The following KATNIP variants were observed in gnomAD, a reference collection of about 807,000 sequenced individuals.
KATNIP encodes the protein katanin interacting protein, also known as katanin-interacting protein.
In KATNIP, 126 loss-of-function variants were observed where a neutral mutation model predicts 174.0. The ratio of observed to expected loss-of-function variants is 0.72; its 90% CI spans 0.63 to 0.84. KATNIP has a LOEUF of 0.84. Ranked by LOEUF, KATNIP falls within the 40% of genes least tolerant of loss-of-function variation. KATNIP has a pLI of 0.00. For missense variants in KATNIP, 1,958 were observed against 2,109.7 expected, an observed-to-expected ratio of 0.93 and a Z score of 1.41; for synonymous variants, 810 against 835.7, an observed-to-expected ratio of 0.97 and a Z score of 0.53.
chr16:27,693,444 C>T (rs954269777), intron 8 of KATNIP, among the ~76,000 whole-genome samples: 1 of 151,970 alleles, frequency 6.6e-6, no homozygotes, highest in Non-Finnish European at 1.5e-5. Context: ...GCTGGAGTGC[C>T]GTGGCATGAT....
At chr16:27,629,073 C>T (rs2076413812) in intron 4 of KATNIP, among the ~76,000 whole-genome samples, 1 of 150,718 alleles carries the variant, frequency 6.6e-6, no homozygotes, top group South Asian at 2.1e-4. Context: ...GAGGCCGAGG[C>T]ACAAGAATCA....
At chr16:27,616,151 C>T (rs1719622025) in intron 2 of KATNIP, among the ~76,000 whole-genome samples, 1 of 152,044 alleles carries the variant, frequency 6.6e-6, no homozygotes, top group African/African-American at 2.4e-5. Flanking sequence ...GTGGGAGGAC[C>T]ACCTGAGTTC....
chr16:27,591,435 G>A (rs7191793), intron 2 of KATNIP, among the ~76,000 whole-genome samples: 11,074 of 151,970 alleles, frequency 0.073, 433 homozygotes, highest in Non-Finnish European at 0.087. Context: ...CACCCGCCTC[G>A]GCCTCCCAAA....
chr16:27,557,838 C>T (rs191720874), intron 1 of KATNIP, among the ~76,000 whole-genome samples: 15 of 152,294 alleles, frequency 9.8e-5, no homozygotes, highest in African/African-American at 3.4e-4. Flanking sequence ...TAGTTGTCAA[C>T]ATTGAAAAAT....
intron 14 of KATNIP, among the ~76,000 whole-genome samples, chr16:27,731,160 G>C (rs2143263311): frequency 6.6e-6 from 1 of 152,210 alleles, no homozygotes; most frequent in South Asian, 2.1e-4. Context: ...TACAGTATGG[G>C]CTGCATTGAA....
chr16:27,771,521 G>A (rs114864736), intron 21 of KATNIP, 67 bp from the exon 22 acceptor site: 13 of 1,472,452 alleles, frequency 8.8e-6, no homozygotes, highest in South Asian at 2.3e-5. Context: ...TGTTACCTAG[G>A]GGGTAACTGG....
At chr16:27,638,320 C>T (rs559018160) in intron 5 of KATNIP, among the ~76,000 whole-genome samples, 1 of 152,222 alleles carries the variant, frequency 6.6e-6, no homozygotes, top group East Asian at 1.9e-4. Context: ...ACTGGGGGTG[C>T]CAGCTATACC....
chr16:27,622,757 G>A (rs1218920714), intron 3 of KATNIP, among the ~76,000 whole-genome samples: 1 of 152,144 alleles, frequency 6.6e-6, no homozygotes, highest in Non-Finnish European at 1.5e-5. Context: ...CAGCATCACT[G>A]GGGGCCTCAC....
At chr16:27,558,109 T>A (rs1445701838) in intron 1 of KATNIP, among the ~76,000 whole-genome samples, 1 of 152,186 alleles carries the variant, frequency 6.6e-6, no homozygotes, top group African/African-American at 2.4e-5. Context: ...TCCTGTGGAC[T>A]TCCTTGTATG....
At chr16:27,753,610 G>C (rs2081600831) in intron 17 of KATNIP, among the ~76,000 whole-genome samples, 1 of 152,168 alleles carries the variant, frequency 6.6e-6, no homozygotes, top group Non-Finnish European at 1.5e-5. Context: ...GAAATCACTT[G>C]GGTGGATCTT....
chr16:27,558,895 T>C (rs540626276), intron 1 of KATNIP, among the ~76,000 whole-genome samples: 10 of 152,348 alleles, frequency 6.6e-5, no homozygotes, highest in African/African-American at 2.2e-4. Context: ...GAATAAGGTC[T>C]ACACTTGGTA....
chr16:27,612,357 A>G (rs544123677), intron 2 of KATNIP, among the ~76,000 whole-genome samples: 56 of 152,246 alleles, frequency 3.7e-4, no homozygotes, highest in African/African-American at 1.3e-3. Context: ...CAGAGACCAT[A>G]TGACTGTAGC....
Position 27,628,469 on chromosome 16 carries a change from G to C in KATNIP, c.141-192G>C, listed in dbSNP as rs76887076. 7.6e-3 allele frequency: 4,460 copies of C among 590,212 alleles called. 174 individuals carry two copies. In the African/African-American group the frequency reaches 0.076, roughly 10 times the overall value. The allele number at this position is 590,212 out of a possible 1,614,324, so 36.6% of individuals were successfully genotyped here. ...TTCCCTGTAGGGCCCCAAACTGTCTGCCCCTCGTGGCTTCTCTAAGTGGGT... is the reference window on the plus strand; with the variant it reads ...TTCCCTGTAGGGCCCCAAACTGTCTCCCCCTCGTGGCTTCTCTAAGTGGGT... On this transcript the variant is annotated intron_variant, in intron 3 of 27. Coordinates refer to ENST00000261588, the MANE Select transcript of KATNIP (RefSeq NM_015202.5).
At chr16:27,565,997 C>T (rs938666364) in intron 1 of KATNIP, among the ~76,000 whole-genome samples, 1 of 151,162 alleles carries the variant, frequency 6.6e-6, no homozygotes, top group Non-Finnish European at 1.5e-5. Flanking sequence ...ACCAGGCCCA[C>T]CTTTCTGTAT....
Position 27,713,814 on chromosome 16 carries a change from A to ACATAT in KATNIP, c.1605+4894_1605+4895insCATAT, listed in dbSNP as rs1567336848. Among the ~76,000 whole-genome samples the ACATAT allele has an allele frequency of 2.4e-4, 5 of 20,884 alleles. 1 individual carries two copies. Among genetic ancestry groups the ACATAT allele is most frequent in the African/African-American group, 7.0e-4 (2 of 2,864 alleles). 13.7% of individuals were successfully genotyped at this position (20,884 alleles called of 152,430 possible). ...TGTGTGTGTGTGTGTATATACATAT[A>ACATAT]TATATATATATATATATATATATAT... On this transcript the variant is annotated intron_variant, in intron 13 of 27. Transcript: ENST00000261588.
At chr16:27,691,087 C>T (rs1020168243) in intron 8 of KATNIP, among the ~76,000 whole-genome samples, 4 of 152,098 alleles carry the variant, frequency 2.6e-5, no homozygotes, top group African/African-American at 9.7e-5. Flanking sequence ...ATTTCATATT[C>T]GCCATTTCGG....
intron 1 of KATNIP, among the ~76,000 whole-genome samples, chr16:27,566,822 C>T (rs1245655450): frequency 2.0e-5 from 3 of 152,176 alleles, no homozygotes; most frequent in African/African-American, 7.2e-5. Flanking sequence ...ATGGCAGGTG[C>T]TCAGAAAGCA....
chr16:27,743,489 G>C (rs1315768512), intron 15 of KATNIP, among the ~76,000 whole-genome samples: 5 of 152,078 alleles, frequency 3.3e-5, no homozygotes, highest in Non-Finnish European at 1.5e-5. Context: ...TAACACTGAG[G>C]CTCAGTCAGT....
chr16:27,616,508 A>T (rs576362022), intron 2 of KATNIP, among the ~76,000 whole-genome samples: 11 of 151,576 alleles, frequency 7.3e-5, no homozygotes, highest in Non-Finnish European at 1.5e-4. Context: ...GGCAGATTAC[A>T]TGAGGCCAGG....
Sources: gnomAD v4.1 joint callset for allele counts (sites outside exome capture counted in the v4.1 genomes callset) on GRCh38, gnomAD v4.1.1 for gene constraint, MANE v1.5 for transcripts, NCBI Gene and HGNC (gene_info 2026-07-23, HGNC 2026-07-21) for gene names.